XKR4: variants seen among roughly 807,000 people sequenced by gnomAD.
XKR4 encodes XK-related protein 4.
A neutral mutation model predicts 53.9 loss-of-function variants in XKR4; 12 were observed. That is an observed-to-expected ratio of 0.22 (90% CI 0.14 to 0.36). XKR4 has a LOEUF of 0.36. Among genes scored for constraint, XKR4 ranks in the 10% least tolerant of loss-of-function variants. XKR4 has a pLI of 1.00. For missense variants in XKR4, 799 were observed against 859.5 expected (o/e 0.93, Z 0.88); for synonymous variants, 354 against 362.4 (o/e 0.98, Z 0.26).
chr8:55,418,339 AT>A (rs771990498), intron 2 of XKR4, among the ~76,000 whole-genome samples: 1 of 152,188 alleles, frequency 6.6e-6, no homozygotes, highest in African/African-American at 2.4e-5. Flanking sequence ...ACACTTTCCC[AT>A]CTCAGTGAAT....
At chr8:55,518,068 C>G (rs1806741991) in intron 2 of XKR4, among the ~76,000 whole-genome samples, 1 of 152,186 alleles carries the variant, frequency 6.6e-6, no homozygotes, top group Admixed American at 6.5e-5. Context: ...CAGGCTCATT[C>G]TCTTCGTGGA....
rs546759638 is a variant in XKR4, at chr8:55,529,042, T to C, written c.*4815T>C. 5.4e-5 allele frequency: 8 copies of C among 149,428 alleles called. No individual in the cohort carries two copies. Among genetic ancestry groups the C allele is most frequent in the Non-Finnish European group, 1.2e-4 (8 of 67,622 alleles). The allele number at this position is 149,428 out of a possible 1,614,324, so 9.3% of individuals were successfully genotyped here. A position where few individuals can be genotyped will look rare whatever the true frequency, so the allele number is the denominator to read the frequency against. On this transcript the variant is annotated 3_prime_UTR_variant, in exon 3 of 3. Coordinates refer to ENST00000327381, the MANE Select transcript of XKR4 (RefSeq NM_052898.2). The stretch of plus-strand genomic sequence containing the variant: ...CTAGTTGCTGTCCTAAAAATGGGCA[T>C]GTGGCAAGACTCTCAATCTACAGCC...
chr8:55,303,948 G>C (rs964095220), intron 1 of XKR4, among the ~76,000 whole-genome samples: 3 of 152,172 alleles, frequency 2.0e-5, no homozygotes, highest in South Asian at 2.1e-4. Context: ...CAAAAAACCA[G>C]CTCCTGGATT....
At chr8:55,453,877 C>T (rs769832459) in intron 2 of XKR4, 6 of 563,640 alleles carry the variant, frequency 1.1e-5, no homozygotes, top group African/African-American at 3.7e-5. Flanking sequence ...TGGGGCAGTA[C>T]GGGACCCCAC....
Position 55,399,256 on chromosome 8 carries a change from C to T in XKR4, c.1006+41379C>T, listed in dbSNP as rs117438544. Among the ~76,000 whole-genome samples the T allele has an allele frequency of 3.1e-3, 470 of 152,286 alleles. 2 individuals are homozygous for T. The highest frequency in any genetic ancestry group is 5.4e-3 in the Non-Finnish European group (364 of 68,030). On this transcript the variant is annotated intron_variant, in intron 2 of 2. Transcript: ENST00000327381. ...CTCTCCAGGCTTAGCATTTTCTGCG[C>T]TCATTATGTCCACATGTACAGAAGA... is the stretch of plus-strand genomic sequence containing the variant.
rs139629632 is a variant in XKR4 at position 55,389,259 on chromosome 8, G to C, written c.1006+31382G>C. 2.5e-3 allele frequency among the ~76,000 whole-genome samples: 387 copies of C among 152,270 alleles called. 2 individuals carry two copies. Among genetic ancestry groups the C allele is most frequent in the African/African-American group, 8.5e-3 (353 of 41,548 alleles). On this transcript the variant is annotated intron_variant, in intron 2 of 2. Transcript: ENST00000327381. ...CAGAACTGTGAGACAATAAATTTCT[G>C]TTGTTGAAGTCACACAGTCTGTGGT...
intron 2 of XKR4, among the ~76,000 whole-genome samples, chr8:55,446,916 G>A (rs977680077): frequency 6.6e-6 from 1 of 152,136 alleles, no homozygotes; most frequent in African/African-American, 2.4e-5. Context: ...TGCCCCAAAT[G>A]TATGTTTATT....
At chr8:55,260,886 A>C (rs1271068611) in intron 1 of XKR4, among the ~76,000 whole-genome samples, 1 of 152,160 alleles carries the variant, frequency 6.6e-6, no homozygotes, top group Admixed American at 6.5e-5. Flanking sequence ...GCCTTTTCCT[A>C]TTGGCACAGC....
Position 55,526,662 on chromosome 8 carries a change from C to T in XKR4, c.*2435C>T, listed in dbSNP as rs978513792. ...ATTGAGTTTCTCAGTTGAACTGTACCTTTGATTCTATGAGTAAATCACAGA... is the reference window on the plus strand; with the variant it reads ...ATTGAGTTTCTCAGTTGAACTGTACTTTTGATTCTATGAGTAAATCACAGA... On this transcript the variant is annotated 3_prime_UTR_variant, in exon 3 of 3. Coordinates refer to ENST00000327381, the MANE Select transcript of XKR4 (RefSeq NM_052898.2). The T allele has an allele frequency of 6.6e-6, 1 of 152,156 alleles. No individual in the cohort carries two copies. Among genetic ancestry groups the T allele is most frequent in the African/African-American group, 2.4e-5 (1 of 41,430 alleles). The allele number at this position is 152,156 out of a possible 1,614,324, so 9.4% of individuals were successfully genotyped here. A position where few individuals can be genotyped will look rare whatever the true frequency, so the allele number is the denominator to read the frequency against.
Position 55,268,549 on chromosome 8 carries a change from A to G in XKR4, c.807-89129A>G, listed in dbSNP as rs1818643506. On this transcript the variant is annotated intron_variant, in intron 1 of 2. Coordinates refer to ENST00000327381, the MANE Select transcript of XKR4 (RefSeq NM_052898.2). ...TTAAAATTCAGCAGATATTTACTAC[A>G]TATCTACCAAAAGCAAGGCCCTATT... Among the ~76,000 whole-genome samples the G allele has an allele frequency of 3.3e-5, 5 of 152,288 alleles. No individual in the cohort carries two copies. The South Asian group carries it at 1.0e-3, about 32-fold the overall frequency.
chr8:55,188,964 C>T (rs776095107), intron 1 of XKR4, among the ~76,000 whole-genome samples: 2 of 152,154 alleles, frequency 1.3e-5, no homozygotes, highest in Non-Finnish European at 2.9e-5. Context: ...AATGCCTGCT[C>T]TGTGGTAGGT....
chr8:55,416,900 C>G (rs1203905122), intron 2 of XKR4, among the ~76,000 whole-genome samples: 2 of 152,226 alleles, frequency 1.3e-5, no homozygotes, highest in Non-Finnish European at 2.9e-5. Flanking sequence ...CATAATCACT[C>G]TGTTCTTAAA....
At chr8:55,405,449 T>C (rs1318518565) in intron 2 of XKR4, among the ~76,000 whole-genome samples, 3 of 152,222 alleles carry the variant, frequency 2.0e-5, no homozygotes, top group Admixed American at 1.3e-4. Flanking sequence ...ACCTTGTTTA[T>C]GGTGAGGAGA....
In XKR4 at chr8:55,446,411, A is replaced by G. The variant is rs912675777; in HGVS notation, c.1007-76870A>G. ...AGCTAAATTGCAGTGGTGCAATCTC[A>G]GCTCACTGCAACCTCCATCTCCAGG... On this transcript the variant is annotated intron_variant, in intron 2 of 2. Transcript: ENST00000327381. Among the ~76,000 whole-genome samples, 11 of 151,988 alleles carry G rather than the reference A, an allele frequency of 7.2e-5. 1 individual carries two copies. Among genetic ancestry groups the G allele is most frequent in the Admixed American group, 5.2e-4 (8 of 15,246 alleles).
intron 1 of XKR4, among the ~76,000 whole-genome samples, chr8:55,131,003 C>A (rs1276252904): frequency 6.6e-6 from 1 of 152,014 alleles, no homozygotes; most frequent in Non-Finnish European, 1.5e-5. Flanking sequence ...CTACTAAAAA[C>A]ACAAAATTAG....
At chr8:55,206,236 T>C (rs537819734) in intron 1 of XKR4, among the ~76,000 whole-genome samples, 2 of 152,202 alleles carry the variant, frequency 1.3e-5, no homozygotes, top group Non-Finnish European at 2.9e-5. Context: ...TGGCCAGCTT[T>C]TATTCCCTTA....
At chr8:55,506,959 G>A (rs1806540054) in intron 2 of XKR4, among the ~76,000 whole-genome samples, 1 of 151,940 alleles carries the variant, frequency 6.6e-6, no homozygotes. Context: ...TTGGCTTCTT[G>A]GAAGCTCAGT....
At chr8:55,403,123 T>C (rs1220841796) in intron 2 of XKR4, among the ~76,000 whole-genome samples, 2 of 152,238 alleles carry the variant, frequency 1.3e-5, no homozygotes, top group Non-Finnish European at 2.9e-5. Context: ...ACCTCATTTC[T>C]ATAATAGAGT....
At chr8:55,224,999 G>C (rs1817934419) in intron 1 of XKR4, among the ~76,000 whole-genome samples, 1 of 152,178 alleles carries the variant, frequency 6.6e-6, no homozygotes, top group African/African-American at 2.4e-5. Flanking sequence ...ATATGGCATT[G>C]TGAATTAAGT....
Sources: gnomAD v4.1 joint callset for allele counts (sites outside exome capture counted in the v4.1 genomes callset) on GRCh38, gnomAD v4.1.1 for gene constraint, MANE v1.5 for transcripts, NCBI Gene and HGNC (gene_info 2026-07-23, HGNC 2026-07-21) for gene names.